CDK14: variants seen among roughly 807,000 people sequenced by gnomAD.
The protein encoded by CDK14 is cyclin dependent kinase 14.
Under a neutral mutation model 60.7 loss-of-function variants are expected in CDK14, and 34 were observed. The observed-to-expected ratio is 0.56, with a 90% CI of 0.43 to 0.75. The LOEUF is 0.75. Ranked by LOEUF, CDK14 falls within the 30% of genes least tolerant of loss-of-function variation. The pLI, the probability that CDK14 is intolerant of heterozygous loss-of-function variation, is 0.00. For missense variants in CDK14, 482 were observed against 564.1 expected (o/e 0.85, Z 1.47); for synonymous variants, 197 against 203.7 (o/e 0.97, Z 0.28).
At chr7:90,709,578 C>A in intron 2 of CDK14, 1 of 1,613,122 alleles carries the variant, frequency 6.2e-7, no homozygotes, top group Non-Finnish European at 8.5e-7. Flanking sequence ...TGCTGCAGAG[C>A]CCGGTTACTC....
chr7:91,143,239 G>A (rs919993038), intron 14 of CDK14, among the ~76,000 whole-genome samples: 3 of 152,156 alleles, frequency 2.0e-5, no homozygotes, highest in African/African-American at 4.8e-5. Context: ...AAATGTAATC[G>A]CCTCAAAAAC....
At chr7:90,890,699 A>G in intron 6 of CDK14, among the ~76,000 whole-genome samples, 1 of 152,246 alleles carries the variant, frequency 6.6e-6, no homozygotes, top group East Asian at 1.9e-4. Flanking sequence ...CTAACTGCTC[A>G]GTAATTTCAT....
intron 10 of CDK14, among the ~76,000 whole-genome samples, chr7:91,001,197 G>T (rs1272667603): frequency 6.6e-6 from 1 of 152,166 alleles, no homozygotes; most frequent in Non-Finnish European, 1.5e-5. Flanking sequence ...AAATATTGGG[G>T]AGAAACAGTA....
intron 14 of CDK14, among the ~76,000 whole-genome samples, chr7:91,122,670 C>A (rs576051818): frequency 2.6e-4 from 39 of 152,336 alleles, no homozygotes; most frequent in African/African-American, 9.1e-4. Context: ...AGGGCTTCTG[C>A]TGACTTGTTT....
At chr7:90,838,251 T>A (rs1790178554) in intron 5 of CDK14, among the ~76,000 whole-genome samples, 1 of 152,154 alleles carries the variant, frequency 6.6e-6, no homozygotes, top group Non-Finnish European at 1.5e-5. Flanking sequence ...TTCCCAAAAT[T>A]AATACTTTTA....
intron 2 of CDK14, among the ~76,000 whole-genome samples, chr7:90,641,265 T>G (rs1158927289): frequency 6.6e-6 from 1 of 151,874 alleles, no homozygotes; most frequent in Non-Finnish European, 1.5e-5. Context: ...ATCCAGTAAT[T>G]CCACTCCAAA....
intron 10 of CDK14, among the ~76,000 whole-genome samples, chr7:91,001,546 C>T (rs1005141620): frequency 2.6e-5 from 4 of 152,140 alleles, no homozygotes; most frequent in African/African-American, 4.8e-5. Context: ...ATAGTGGCTC[C>T]GTTTTTTATT....
chr7:91,078,416 G>A (rs995777643), intron 11 of CDK14, among the ~76,000 whole-genome samples: 3 of 152,174 alleles, frequency 2.0e-5, no homozygotes, highest in Non-Finnish European at 4.4e-5. Context: ...AGACCAGCCT[G>A]GCCAGCATGA....
Position 90,596,654 on chromosome 7 carries a change from G to A in CDK14, c.27G>A (p.Pro9=). MCDLIEPQ[P]AEKIGKMKKL... ...TGTGTGACCTCATTGAGCCGCAGCC[G>A]GCCGAGAAGATCGGCAAGATGAAGA... Residue 9 remains proline, a synonymous_variant, in exon 1 of 15, where the codon CCG becomes CCA. Transcript: ENST00000380050. 2 of 1,612,126 alleles carry A rather than the reference G, an allele frequency of 1.2e-6. No individual in the cohort carries two copies. Among genetic ancestry groups the A allele is most frequent in the African/African-American group, 2.7e-5 (2 of 75,008 alleles).
At position 91,160,825 on chromosome 7, in the gene CDK14, A is replaced by G. The variant is rs184809758; in HGVS notation, c.*28+42617A>G. Among the ~76,000 whole-genome samples, 747 of 152,304 alleles carry G rather than the reference A, an allele frequency of 4.9e-3. 1 individual carries two copies. Among genetic ancestry groups the G allele is most frequent in the Non-Finnish European group, 8.2e-3 (560 of 68,022 alleles). Reference sequence around the variant, plus strand: ...TAAGGGGTCACTACAAAATAATACAATTACTCTTACAGGCCCATACATTTA... The same window carrying G: ...TAAGGGGTCACTACAAAATAATACAGTTACTCTTACAGGCCCATACATTTA... On this transcript the variant is annotated intron_variant, in intron 14 of 14. Coordinates refer to ENST00000380050, the MANE Select transcript of CDK14 (RefSeq NM_001287135.2).
chr7:90,687,273 A>C (rs1801457087), intron 2 of CDK14, among the ~76,000 whole-genome samples: 2 of 152,134 alleles, frequency 1.3e-5, no homozygotes, highest in Non-Finnish European at 2.9e-5. Context: ...AAACCTAAAA[A>C]ATCATCCTCA....
intron 5 of CDK14, among the ~76,000 whole-genome samples, chr7:90,844,871 A>G (rs1790415094): frequency 6.6e-6 from 1 of 152,166 alleles, no homozygotes; most frequent in African/African-American, 2.4e-5. Context: ...GAGGCTTCAG[A>G]TGGTGAAGAT....
chr7:91,010,851 C>G (rs373698766), intron 10 of CDK14, among the ~76,000 whole-genome samples: 12 of 115,160 alleles, frequency 1.0e-4, no homozygotes, highest in Non-Finnish European at 2.0e-4. Context: ...CTCCCTCCCT[C>G]CCTCCCTCCC....
chr7:90,923,252 G>T (rs1018542971), intron 8 of CDK14, among the ~76,000 whole-genome samples: 1 of 151,742 alleles, frequency 6.6e-6, no homozygotes, highest in African/African-American at 2.4e-5. Context: ...TGGGACTACA[G>T]GCGCCCACCA....
At chr7:90,657,526 C>A (rs1800775857) in intron 2 of CDK14, among the ~76,000 whole-genome samples, 1 of 152,096 alleles carries the variant, frequency 6.6e-6, no homozygotes, top group Non-Finnish European at 1.5e-5. Flanking sequence ...ATAAATTAAT[C>A]TTTTGATATT....
At chr7:91,086,632 TC>T (rs1454307294) in intron 12 of CDK14, among the ~76,000 whole-genome samples, 1 of 152,062 alleles carries the variant, frequency 6.6e-6, no homozygotes, top group Non-Finnish European at 1.5e-5. Flanking sequence ...AAAGAGCTGA[TC>T]CAGGTCTTCC....
At chr7:91,158,305 C>T (rs569201980) in intron 14 of CDK14, among the ~76,000 whole-genome samples, 2 of 151,882 alleles carry the variant, frequency 1.3e-5, no homozygotes, top group East Asian at 1.9e-4. Context: ...CTCGACCTCC[C>T]GCGCTCAAGC....
intron 2 of CDK14, among the ~76,000 whole-genome samples, chr7:90,682,541 C>T (rs1801337741): frequency 6.6e-6 from 1 of 152,164 alleles, no homozygotes; most frequent in African/African-American, 2.4e-5. Context: ...TTACATTATG[C>T]AGTGCAGTTA....
intron 6 of CDK14, among the ~76,000 whole-genome samples, chr7:90,894,515 T>C (rs1312883479): frequency 6.6e-6 from 1 of 152,234 alleles, no homozygotes; most frequent in Non-Finnish European, 1.5e-5. Context: ...AGAGATGATC[T>C]TTTTCCTGCA....
Sources: allele counts gnomAD v4.1 joint callset (sites outside exome capture counted in the v4.1 genomes callset), GRCh38; gene constraint gnomAD v4.1.1; transcripts MANE v1.5; gene names NCBI Gene and HGNC (gene_info 2026-07-23, HGNC 2026-07-21).